Variants in DOK3 observed in about 807,000 individuals in gnomAD.
DOK3 encodes Dok-like protein.
Under a neutral mutation model 26.2 loss-of-function variants are expected in DOK3, and 23 were observed. The observed-to-expected ratio is 0.88, with a 90% CI of 0.63 to 1.24. The LOEUF (loss-of-function observed/expected upper bound fraction) is 1.24. Ranked by LOEUF, DOK3 falls within the 50% of genes most tolerant of loss-of-function variation. The probability of loss-of-function intolerance (pLI) is 0.00; values close to 1 mark genes in which losing one functional copy is unlikely to be tolerated. For missense variants in DOK3, 619 were observed against 610.6 expected (o/e 1.01, Z -0.15); for synonymous variants, 268 against 268.2 (o/e 1.00, Z 0.01).
rs116875846 is a variant in DOK3 at position 177,502,831 on chromosome 5, C to T, written c.*1152G>A. The T allele has an allele frequency of 4.8e-4, 265 of 547,098 alleles. 3 individuals carry two copies. In the East Asian group the frequency reaches 6.8e-3, roughly 14 times the overall value. 33.9% of individuals were successfully genotyped at this position (547,098 alleles called of 1,614,324 possible). The stretch of plus-strand genomic sequence containing the variant: ...ACTTTGCCAGACCAGTAAGATGAAA[C>T]GAGAGAGAACAGGGGGAAGGGACTA... On this transcript the variant is annotated 3_prime_UTR_variant, in exon 6 of 6. Coordinates refer to ENST00000510898, the MANE Select transcript of DOK3 (RefSeq NM_001308236.3).
In DOK3 at chr5:177,503,562, C is replaced by A; in HGVS notation, c.*421G>T. ...TGAGTCTGACAAGTAAGCCTCACAG[C>A]TCCCTCCGCCTGCCTCTTCGTGTCA... On this transcript the variant is annotated 3_prime_UTR_variant, in exon 6 of 6. Transcript: ENST00000510898. 1.5e-6 allele frequency: 2 copies of A among 1,340,482 alleles called. No individual in the cohort carries two copies. Among genetic ancestry groups the A allele is most frequent in the Non-Finnish European group, 2.0e-6 (2 of 1,016,072 alleles). 83.0% of individuals were successfully genotyped at this position (1,340,482 alleles called of 1,614,324 possible).
Position 177,508,453 on chromosome 5 carries a change from G to T in DOK3, c.156C>A (p.Gly52=). The T allele has an allele frequency of 6.3e-7, 1 of 1,594,016 alleles. No individual in the cohort carries two copies. ...CCGACCTGTCACCCGCTGCTCCCAG[G>T]CCACCATCCCGGACCTCCCAGCTCT... ...RLESWEVRDG[G]LGAAGDRSAG... The change falls in exon 3 of 6, where the codon GGC becomes GGA. Residue 52 remains glycine (G), a synonymous_variant. Coordinates refer to ENST00000510898, the MANE Select transcript of DOK3 (RefSeq NM_001308236.3).
In DOK3 at chr5:177,503,739, G is replaced by C; in HGVS notation, c.*244C>G. On this transcript the variant is annotated 3_prime_UTR_variant, in exon 6 of 6. Coordinates refer to ENST00000510898, the MANE Select transcript of DOK3 (RefSeq NM_001308236.3). ...CTTGTGTTGGCCGCAATGAACGTGG[G>C]CAGGGGCGTGTGCCGTGAGTGCCCC... 1 of 1,414,386 alleles carries C rather than the reference G, an allele frequency of 7.1e-7. No homozygotes were observed. The highest frequency in any genetic ancestry group is 9.2e-7 in the Non-Finnish European group (1 of 1,089,442). 87.6% of individuals were successfully genotyped at this position (1,414,386 alleles called of 1,614,324 possible). A position where few individuals can be genotyped will look rare whatever the true frequency, so the allele number is the denominator to read the frequency against.
chr5:177,508,392 G>A lies in DOK3; in HGVS notation c.217C>T (p.Arg73Cys), dbSNP rs768097645. The change falls in exon 3 of 6, where the codon CGC (arginine) becomes TGC (cysteine). Residue 73 changes from arginine to cysteine, a missense_variant. Arg to Cys is a radical substitution (Grantham distance 180). Transcript: ENST00000510898. ...AGCACGGACACACAGTCAGCCAGGCGGATGACCCGTCGCTCCCCTCGCCGG... is the reference window on the plus strand; with the variant it reads ...AGCACGGACACACAGTCAGCCAGGCAGATGACCCGTCGCTCCCCTCGCCGG... ...PGRRGERRVI[R>C]LADCVSVLPA... is the part of the protein sequence containing the mutation. 6 of 1,603,644 alleles carry A rather than the reference G, an allele frequency of 3.7e-6. No individual in the cohort carries two copies. Among genetic ancestry groups the A allele is most frequent in the East Asian group, 2.2e-5 (1 of 44,746 alleles).
At chr5:177,506,296 A>G (rs1760147280) in intron 3 of DOK3, among the ~76,000 whole-genome samples, 1 of 151,154 alleles carries the variant, frequency 6.6e-6, no homozygotes, top group Non-Finnish European at 1.5e-5. Flanking sequence ...ATGATAAAAT[A>G]CAGAGAACAT....
chr5:177,508,131 T>G, intron 3 of DOK3, 106 bp downstream of exon 3: 2 of 1,301,932 alleles, frequency 1.5e-6, no homozygotes, highest in Non-Finnish European at 2.0e-6. Flanking sequence ...TTCCCAGGCT[T>G]GTAGGTGCTC....
intron 2 of DOK3, chr5:177,508,912 G>GC: frequency 3.9e-6 from 1 of 258,192 alleles, no homozygotes; most frequent in East Asian, 7.2e-5. Flanking sequence ...TGGGCCACAG[G>GC]CCAAGAGCTG....
At position 177,505,110 on chromosome 5, in the gene DOK3, C is replaced by T. The variant is rs539893540; in HGVS notation, c.373G>A (p.Gly125Arg). ...GATCCTGAGGAGGCCTCCCCTGTCC[C>T]CTGGGGAATGAGTTCAAGTCAAAGG... ...MGPICQLAFP[G>R]TGEASSGSTD... The change falls in exon 4 of 6, where the codon GGG (glycine) becomes AGG (arginine). Residue 125 changes from glycine (G) to arginine (R), a missense_variant and splice_region_variant. Physicochemically the swap from Gly to Arg is moderately radical, Grantham distance 125 (BLOSUM62 -2). Transcript: ENST00000510898. 8 of 1,603,470 alleles carry T rather than the reference C, an allele frequency of 5.0e-6. No homozygotes were observed. Among genetic ancestry groups the T allele is most frequent in the East Asian group, 2.2e-5 (1 of 44,818 alleles).
rs867982080 is a variant in DOK3 at position 177,503,029 on chromosome 5, G to A, written c.*954C>T. On this transcript the variant is annotated 3_prime_UTR_variant, in exon 6 of 6. Transcript: ENST00000510898. ...AGGAGAGAGCAAAAATTGTGTGTCC[G>A]TCATGAAAATGAGGTTCAGGATGTG... 13 of 1,504,770 alleles carry A rather than the reference G, an allele frequency of 8.6e-6. No homozygotes were observed. Among genetic ancestry groups the A allele is most frequent in the African/African-American group, 2.8e-5 (2 of 71,934 alleles). 93.2% of individuals were successfully genotyped at this position (1,504,770 alleles called of 1,614,324 possible).
chr5:177,503,530 T>C lies in DOK3; in HGVS notation c.*453A>G. On this transcript the variant is annotated 3_prime_UTR_variant, in exon 6 of 6. Coordinates refer to ENST00000510898, the MANE Select transcript of DOK3 (RefSeq NM_001308236.3). ...GTCTCCAGTTGGGCCCTCATGTTGC[T>C]CCTTCCTGAGTCTGACAAGTAAGCC... The C allele has an allele frequency of 7.0e-7, 1 of 1,424,098 alleles. No individual in the cohort carries two copies. The highest frequency in any genetic ancestry group is 2.8e-5 in the Admixed American group (1 of 35,332). 88.2% of individuals were successfully genotyped at this position (1,424,098 alleles called of 1,614,324 possible). A position where few individuals can be genotyped will look rare whatever the true frequency, so the allele number is the denominator to read the frequency against.
In DOK3 at chr5:177,504,754, C is replaced by T. The variant is rs751359031; in HGVS notation, c.634G>A (p.Gly212Ser). 53 of 1,613,906 alleles carry T rather than the reference C, an allele frequency of 3.3e-5. No individual in the cohort carries two copies. Among genetic ancestry groups the T allele is most frequent in the East Asian group, 4.5e-5 (2 of 44,894 alleles). Reference sequence around the variant, plus strand: ...CCCCTGCACCTCACCTTGTCGGAGCCGAACTTGCGCAGGAAGTGGTAGGGC... The same window carrying T: ...CCCCTGCACCTCACCTTGTCGGAGCTGAACTTGCGCAGGAAGTGGTAGGGC... The part of the protein sequence containing the change: ...SWPYHFLRKF[G>S]SDKGVFSFEA... The change falls in exon 5 of 6, where the codon GGC becomes AGC. Residue 212 changes from glycine (G) to serine (S), a missense_variant. Gly to Ser is a moderately conservative substitution (Grantham distance 56, BLOSUM62 0). Transcript: ENST00000510898.
upstream of DOK3, chr5:177,509,863 C>A: frequency 6.2e-7 from 1 of 1,610,142 alleles, no homozygotes; most frequent in Non-Finnish European, 8.5e-7. Flanking sequence ...GAGTTCCCGC[C>A]CCTCCCCCGT....
chr5:177,507,865 G>C (rs1022998390), intron 3 of DOK3, among the ~76,000 whole-genome samples: 4 of 152,116 alleles, frequency 2.6e-5, no homozygotes, highest in African/African-American at 9.7e-5. Context: ...CAGCCACGTC[G>C]CCTTCTTTCT....
chr5:177,506,144 G>A (rs983941016), intron 3 of DOK3, among the ~76,000 whole-genome samples: 19 of 151,976 alleles, frequency 1.3e-4, no homozygotes, highest in Non-Finnish European at 1.9e-4. Flanking sequence ...AGTAGAGACA[G>A]GGTTTTACCA....
At chr5:177,509,076 T>C in intron 2 of DOK3, 1 of 197,780 alleles carries the variant, frequency 5.1e-6, no homozygotes. Context: ...ACCCCCTGCC[T>C]CCTTGCTCCC....
chr5:177,504,181 G>C lies in DOK3; in HGVS notation c.1125C>G (p.Ile375Met). ...AGCTCAAGTCCTGGCCGTTGTGGTA[G>C]ATGGGACTGGTTGTGGGGCTGCGGC... ...PGSRSPTTSP[I>M]YHNGQDLSWP... The change falls in exon 6 of 6, where the codon ATC becomes ATG. Residue 375 changes from isoleucine to methionine, a missense_variant. Ile to Met is a conservative substitution (Grantham distance 10). Transcript: ENST00000510898. The C allele has an allele frequency of 6.2e-7, 1 of 1,613,844 alleles. No homozygotes were observed. Among genetic ancestry groups the C allele is most frequent in the Non-Finnish European group, 8.5e-7 (1 of 1,179,894 alleles).
chr5:177,508,643 G>GTTT, intron 2 of DOK3, 101 bp from the exon 3 acceptor site: 2 of 1,305,168 alleles, frequency 1.5e-6, no homozygotes, highest in Non-Finnish European at 2.0e-6. Flanking sequence ...AGCCAGGAGC[G>GTTT]GGCCTCTGCT....
At chr5:177,510,322 C>T (rs1017792410), upstream of DOK3, 4 of 190,336 alleles carry the variant, frequency 2.1e-5, no homozygotes, top group Non-Finnish European at 4.4e-5. Flanking sequence ...GACCACTCCA[C>T]GCTGTCCGAG....
chr5:177,502,772 C>T lies in DOK3; in HGVS notation c.*1211G>A, dbSNP rs114111628. The T allele has an allele frequency of 2.1e-3, 993 of 465,878 alleles. 4 individuals carry two copies. Among genetic ancestry groups the T allele is most frequent in the African/African-American group, 0.018 (915 of 51,830 alleles). The allele number at this position is 465,878 out of a possible 1,614,324, so 28.9% of individuals were successfully genotyped here. On this transcript the variant is annotated 3_prime_UTR_variant, in exon 6 of 6. Coordinates refer to ENST00000510898, the MANE Select transcript of DOK3 (RefSeq NM_001308236.3). Reference sequence around the variant, plus strand: ...CTGGCTGTGGGCAGCTGTGTGCAGGCACTGAGGAGGTCTGGGCTCGCCCAA... The same window carrying T: ...CTGGCTGTGGGCAGCTGTGTGCAGGTACTGAGGAGGTCTGGGCTCGCCCAA...
Sources: gnomAD v4.1 joint callset for allele counts (sites outside exome capture counted in the v4.1 genomes callset) on GRCh38, gnomAD v4.1.1 for gene constraint, MANE v1.5 for transcripts, NCBI Gene and HGNC (gene_info 2026-07-23, HGNC 2026-07-21) for gene names.